Variants in PIGU observed in about 807,000 individuals in gnomAD.
PIGU encodes the protein phosphatidylinositol glycan anchor biosynthesis class U.
A neutral mutation model predicts 49.9 loss-of-function variants in PIGU; 24 were observed. The ratio of observed to expected loss-of-function variants is 0.48; its 90% CI spans 0.35 to 0.68. The LOEUF (loss-of-function observed/expected upper bound fraction) is 0.68, where lower values mean the gene tolerates loss of function less well. Among genes scored for constraint, PIGU ranks in the 30% least tolerant of loss-of-function variants. The pLI, the probability that PIGU is intolerant of heterozygous loss-of-function variation, is 0.01. For synonymous variants in PIGU, 220 were observed against 205.7 expected (o/e 1.07, Z -0.59); for missense variants, 490 against 532.6 (o/e 0.92, Z 0.79).
chr20:34,673,029 T>C (rs922782490), intron 1 of PIGU, among the ~76,000 whole-genome samples: 3 of 151,324 alleles, frequency 2.0e-5, no homozygotes, highest in Non-Finnish European at 4.4e-5. Flanking sequence ...CCGAGGCGGG[T>C]GGATCACGAG....
At chr20:34,643,253 T>C (rs1266863551) in intron 4 of PIGU, among the ~76,000 whole-genome samples, 3 of 152,088 alleles carry the variant, frequency 2.0e-5, no homozygotes, top group African/African-American at 7.2e-5. Flanking sequence ...CACACACATA[T>C]AATTCTCCAT....
At chr20:34,567,150 A>G (rs1426675173) in intron 11 of PIGU, among the ~76,000 whole-genome samples, 1 of 152,246 alleles carries the variant, frequency 6.6e-6, no homozygotes, top group Non-Finnish European at 1.5e-5. Flanking sequence ...CACAGTTGGC[A>G]AAGTGCAGCA....
intron 11 of PIGU, among the ~76,000 whole-genome samples, chr20:34,561,517 T>C (rs917465187): frequency 2.6e-5 from 4 of 152,046 alleles, no homozygotes; most frequent in African/African-American, 7.3e-5. Flanking sequence ...AGAGCCACTG[T>C]CATCTCATCT....
chr20:34,588,520 C>A lies in PIGU; in HGVS notation c.715G>T (p.Val239Leu), dbSNP rs368041678. The part of the protein sequence containing the change: ...YAMMYVGSLV[V>L]IICLSFFLLS... ...AGGAAGAAGGAGAGGCAAATGATTA[C>A]CACTAGGCTTCCCACATACATCATG... The change falls in exon 8 of 12, where the codon GTA becomes TTA. Residue 239 changes from valine (V) to leucine (L), a missense_variant. Physicochemically the swap from Val to Leu is conservative, Grantham distance 32 (BLOSUM62 1). Transcript: ENST00000217446. 1 of 1,613,760 alleles carries A rather than the reference C, an allele frequency of 6.2e-7. No individual in the cohort carries two copies. Among genetic ancestry groups the A allele is most frequent in the Non-Finnish European group, 8.5e-7 (1 of 1,179,650 alleles).
Position 34,634,729 on chromosome 20 carries a change from A to G in PIGU, c.429-14T>C. On this transcript the variant is annotated splice_polypyrimidine_tract_variant and intron_variant, in intron 5 of 11. Coordinates refer to ENST00000217446, the MANE Select transcript of PIGU (RefSeq NM_080476.5). Reference sequence around the variant, plus strand: ...TTTAAGAGATAGCTGGGGAAGAACAAACATATTTGGCATTAGTAATCCTGA... The same window carrying G: ...TTTAAGAGATAGCTGGGGAAGAACAGACATATTTGGCATTAGTAATCCTGA... 1 of 1,609,660 alleles carries G rather than the reference A, an allele frequency of 6.2e-7. No homozygotes were observed. The highest frequency in any genetic ancestry group is 8.5e-7 in the Non-Finnish European group (1 of 1,177,036).
chr20:34,600,398 A>T (rs955573207), intron 7 of PIGU, among the ~76,000 whole-genome samples: 1 of 151,862 alleles, frequency 6.6e-6, no homozygotes. Flanking sequence ...CAGAGAAAAA[A>T]GAGAAGAGAA....
At chr20:34,643,447 CCA>C (rs1986231828) in intron 4 of PIGU, 1 of 152,156 alleles carries the variant, frequency 6.6e-6, no homozygotes, top group African/African-American at 2.4e-5. Context: ...CTAAAATGAA[CCA>C]CAAACAGACA....
intron 6 of PIGU, among the ~76,000 whole-genome samples, chr20:34,626,522 T>C (rs1430915029): frequency 6.6e-6 from 1 of 152,108 alleles, no homozygotes; most frequent in East Asian, 1.9e-4. Context: ...AGGCTAGTCA[T>C]GAACTCCTGA....
At chr20:34,583,085 T>C (rs1983552119) in intron 9 of PIGU, among the ~76,000 whole-genome samples, 2 of 152,220 alleles carry the variant, frequency 1.3e-5, no homozygotes, top group Admixed American at 1.3e-4. Flanking sequence ...ACTCAATGGG[T>C]ATGAATCTGA....
chr20:34,621,959 C>T (rs1310882294), intron 6 of PIGU, among the ~76,000 whole-genome samples: 1 of 152,108 alleles, frequency 6.6e-6, no homozygotes, highest in East Asian at 1.9e-4. Context: ...TGAGGCTGGG[C>T]AGTCCAAGGC....
intron 6 of PIGU, among the ~76,000 whole-genome samples, chr20:34,625,957 A>T (rs563157578): frequency 4.1e-5 from 6 of 145,742 alleles, no homozygotes; most frequent in Non-Finnish European, 7.5e-5. Flanking sequence ...ACATATATAT[A>T]ATATATATAT....
chr20:34,570,440 A>C (rs1474273889), intron 11 of PIGU, among the ~76,000 whole-genome samples: 4 of 150,850 alleles, frequency 2.7e-5, no homozygotes. Flanking sequence ...TTTGAGACAC[A>C]GTCTCGCTCT....
intron 7 of PIGU, among the ~76,000 whole-genome samples, chr20:34,602,911 T>C (rs1984479878): frequency 6.6e-6 from 1 of 152,214 alleles, no homozygotes; most frequent in Non-Finnish European, 1.5e-5. Context: ...CATTTCTTTA[T>C]GGTTTTCCAC....
rs1266305635 is a variant in PIGU at position 34,669,652 on chromosome 20, G to A, written c.130+7304C>T. ...ACTGCACTCCAGCCTGGGCAACAGA[G>A]TGAGACTCTGGCTGAAAAAAAAAAA... On this transcript the variant is annotated intron_variant, in intron 1 of 11. Coordinates refer to ENST00000217446, the MANE Select transcript of PIGU (RefSeq NM_080476.5). Among the ~76,000 whole-genome samples, 5 of 146,548 alleles carry A rather than the reference G, an allele frequency of 3.4e-5. No individual in the cohort carries two copies. The East Asian group carries it at 1.0e-3, about 30-fold the overall frequency.
intron 6 of PIGU, 143 bp from the exon 7 acceptor site, chr20:34,616,282 A>T: frequency 1.2e-6 from 1 of 868,014 alleles, no homozygotes; most frequent in East Asian, 3.4e-5. Flanking sequence ...GTGCTATGCA[A>T]ATTCACACAG....
At chr20:34,634,837 T>C (rs1985908568) in intron 5 of PIGU, 122 bp from the exon 6 acceptor site, 3 of 1,432,908 alleles carry the variant, frequency 2.1e-6, no homozygotes, top group Admixed American at 5.0e-5. Flanking sequence ...TTCTCAGAAA[T>C]GAGTTCCCCC....
At chr20:34,581,254 G>A (rs533381342) in intron 10 of PIGU, among the ~76,000 whole-genome samples, 4 of 152,250 alleles carry the variant, frequency 2.6e-5, no homozygotes, top group South Asian at 2.1e-4. Context: ...TCTGCAAAAC[G>A]TGGATACTTA....
At chr20:34,627,163 A>G (rs1985520895) in intron 6 of PIGU, among the ~76,000 whole-genome samples, 1 of 152,198 alleles carries the variant, frequency 6.6e-6, no homozygotes, top group Non-Finnish European at 1.5e-5. Flanking sequence ...CCAACAAAAG[A>G]GAAGCGCTGG....
chr20:34,613,129 A>C (rs1984883028), intron 7 of PIGU, among the ~76,000 whole-genome samples: 1 of 152,048 alleles, frequency 6.6e-6, no homozygotes, highest in Non-Finnish European at 1.5e-5. Context: ...ATTCCCCTGC[A>C]TCTAGTCTCT....
Sources: allele counts gnomAD v4.1 joint callset (sites outside exome capture counted in the v4.1 genomes callset), GRCh38; gene constraint gnomAD v4.1.1; transcripts MANE v1.5; gene names NCBI Gene and HGNC (gene_info 2026-07-23, HGNC 2026-07-21).